The following HSF4 variants were observed in gnomAD, a reference collection of about 807,000 sequenced individuals.
The protein encoded by HSF4 is heat shock transcription factor 4.
A neutral mutation model predicts 52.0 loss-of-function variants in HSF4; 41 were observed. That is an observed-to-expected ratio of 0.79 (90% confidence interval 0.61 to 1.02). The LOEUF (loss-of-function observed/expected upper bound fraction) is 1.02, where lower values mean the gene tolerates loss of function less well. Among genes scored for constraint, HSF4 ranks in the 50% least tolerant of loss-of-function variants. HSF4 has a pLI of 0.00. For missense variants in HSF4, 610 were observed against 651.1 expected (o/e 0.94, Z 0.69); for synonymous variants, 285 against 273.0 (o/e 1.04, Z -0.43).
chr16:67,166,485 CT>C, intron 5 of HSF4, 72 bp from the exon 6 acceptor site: 1 of 1,599,694 alleles, frequency 6.3e-7, no homozygotes, highest in Non-Finnish European at 8.6e-7. Flanking sequence ...TTAAGCCTTC[CT>C]CCCTCACCTG....
rs1031811315 is a variant in HSF4 at position 67,166,126 on chromosome 16, A to G, written c.485+56A>G. The stretch of plus-strand genomic sequence containing the variant: ...GGGGTGGGGGGTTCGGGATGAGACC[A>G]TAACTGGCCGGCCAGCAGTTCTGGG... On this transcript the variant is annotated intron_variant, in intron 4 of 12. Transcript: ENST00000521374. 1.5e-5 allele frequency: 23 copies of G among 1,502,260 alleles called. No homozygotes were observed. In the Admixed American group the frequency reaches 4.3e-4, roughly 28 times the overall value. 93.1% of individuals were successfully genotyped at this position (1,502,260 alleles called of 1,614,324 possible). A position where few individuals can be genotyped will look rare whatever the true frequency, so the allele number is the denominator to read the frequency against.
rs776129797 is a variant in HSF4 at position 67,167,823 on chromosome 16, GC to G, written c.965del (p.Pro322ArgfsTer74). 3.2e-6 allele frequency: 5 copies of G among 1,586,984 alleles called. No homozygotes were observed. The highest frequency in any genetic ancestry group is 2.6e-6 in the Non-Finnish European group (3 of 1,167,696). ...AAACGAGTGTGACTTCTGCGTGACA[GC>G]CCCCCCGCCACTGCCTGTGGCTGTG... ...APNECDFCVT[A>X]PPPLPVAVVQ... On this transcript the variant is annotated frameshift_variant, in exon 9 of 13. Coordinates refer to ENST00000521374, the MANE Select transcript of HSF4 (RefSeq NM_001374675.1). LOFTEE classifies it high-confidence loss of function.
intron 4 of HSF4, 27 bp downstream of exon 4, chr16:67,166,097 G>C: frequency 9.7e-6 from 6 of 616,390 alleles, no homozygotes; most frequent in South Asian, 1.5e-5. Flanking sequence ...GGAAAGAGGG[G>C]ACAGGGGTGG....
At chr16:67,167,625 GGGGCCTGTGGGGGA>G (rs1427821606) in intron 8 of HSF4, 26 bp downstream of exon 8, 20 of 1,612,562 alleles carry the variant, frequency 1.2e-5, no homozygotes, top group Non-Finnish European at 1.7e-5. Context: ...CTGCCCCTGA[GGGGCCTGTGGGGGA>G]GGGCCTGGCA....
In HSF4 at chr16:67,169,534, A is replaced by C; in HGVS notation, c.1325-97A>C. On this transcript the variant is annotated intron_variant, in intron 12 of 12. Transcript: ENST00000521374. This position sits in a 1 kb window ranked among gnomAD's most constrained non-coding sequence, Gnocchi z 4.3. ...TGGGGAGGTTAAGAATGGATGTTTTATCCTAACTGAGCAGAAGGCAGGCGG... is the reference window on the plus strand; with the variant it reads ...TGGGGAGGTTAAGAATGGATGTTTTCTCCTAACTGAGCAGAAGGCAGGCGG... 6.3e-7 allele frequency: 1 copy of C among 1,597,534 alleles called. No homozygotes were observed. Among genetic ancestry groups the C allele is most frequent in the Non-Finnish European group, 8.5e-7 (1 of 1,178,814 alleles).
In HSF4 at chr16:67,164,796, G is replaced by C. The variant is rs1040661298; in HGVS notation, c.-16G>C. ...AGCGGCCGGGCCCGAGCGCAGAGCCGGGCCGAGACTGCACCATGCAGGAAG... is the reference window on the plus strand; with the variant it reads ...AGCGGCCGGGCCCGAGCGCAGAGCCCGGCCGAGACTGCACCATGCAGGAAG... On this transcript the variant is annotated 5_prime_UTR_variant, in exon 1 of 13. Transcript: ENST00000521374. 1.3e-6 allele frequency: 2 copies of C among 1,586,538 alleles called. No homozygotes were observed. Among genetic ancestry groups the C allele is most frequent in the Non-Finnish European group, 1.7e-6 (2 of 1,173,762 alleles).
upstream of HSF4, chr16:67,164,640 G>A: frequency 1.6e-6 from 1 of 624,768 alleles, no homozygotes; most frequent in Non-Finnish European, 2.6e-6. Flanking sequence ...TCTGCCTGCT[G>A]GTGCCTCGGC....
At position 67,164,837 on chromosome 16, in the gene HSF4, C is replaced by G. The variant is rs2031123631; in HGVS notation, c.26C>G (p.Pro9Arg). 6 of 1,603,484 alleles carry G rather than the reference C, an allele frequency of 3.7e-6. No individual in the cohort carries two copies. The highest frequency in any genetic ancestry group is 5.1e-6 in the Non-Finnish European group (6 of 1,178,624). ...ATGCAGGAAGCGCCAGCTGCGCTGC[C>G]CACGGAGCCAGGCCCCAGCCCCGTG... MQEAPAAL[P>R]TEPGPSPVPA... The change falls in exon 1 of 13, where the codon CCC becomes CGC. Residue 9 changes from proline to arginine, a missense_variant. By Grantham distance (103) the Pro-to-Arg change is moderately radical. Transcript: ENST00000521374.
At position 67,169,811 on chromosome 16, in the gene HSF4, G is replaced by T. The variant is rs1336220302; in HGVS notation, c.*26G>T. 1 of 1,612,798 alleles carries T rather than the reference G, an allele frequency of 6.2e-7. No homozygotes were observed. Among genetic ancestry groups the T allele is most frequent in the Admixed American group, 1.7e-5 (1 of 60,030 alleles). The stretch of plus-strand genomic sequence containing the variant: ...GACCCCGCGCCTCTGAAGGGGCTTG[G>T]AACCAGTCCGCCGCTGCACATCCTT... On this transcript the variant is annotated 3_prime_UTR_variant, in exon 13 of 13. Coordinates refer to ENST00000521374, the MANE Select transcript of HSF4 (RefSeq NM_001374675.1). The surrounding 1 kb of genome is among the most constrained non-coding windows in gnomAD (Gnocchi z 4.3).
intron 6 of HSF4, 41 bp downstream of exon 6, chr16:67,166,663 A>AC (rs758084052): frequency 1.3e-6 from 2 of 1,583,770 alleles, no homozygotes; most frequent in African/African-American, 1.3e-5. Context: ...CACTTCCAAG[A>AC]CCCCCCAGAA....
Position 67,165,954 on chromosome 16 carries a change from G to C in HSF4, c.369G>C (p.Ala123=). Residue 123 remains alanine (A), a synonymous_variant, in exon 4 of 13, where the codon GCG becomes GCC. Transcript: ENST00000521374. This position sits in a 1 kb window ranked among gnomAD's most constrained non-coding sequence, Gnocchi z 6.9. ...GTGCCTCCCGCCTGCAGGTGCCCGC[G>C]CTGCGCGGCGACGACGGCCGCTGGC... ...LLERVRRKVP[A]LRGDDGRWRP... is the part of the protein sequence containing the mutation. The C allele has an allele frequency of 6.4e-7, 1 of 1,571,102 alleles. No homozygotes were observed. The highest frequency in any genetic ancestry group is 1.1e-5 in the South Asian group (1 of 88,012).
chr16:67,166,767 G>A, intron 6 of HSF4, 145 bp downstream of exon 6: 1 of 793,724 alleles, frequency 1.3e-6, no homozygotes, highest in Non-Finnish European at 2.1e-6. Flanking sequence ...CCCCATCTAG[G>A]ATCCACTTCC....
At chr16:67,164,636 T>G (rs2031103958), upstream of HSF4, 7 of 426,756 alleles carry the variant, frequency 1.6e-5, 1 homozygote, top group Non-Finnish European at 2.8e-5. Flanking sequence ...CTTTTCTGCC[T>G]GCTGGTGCCT....
chr16:67,165,073 G>A lies in HSF4; in HGVS notation c.123+139G>A. 1 of 964,634 alleles carries A rather than the reference G, an allele frequency of 1.0e-6. No homozygotes were observed. Among genetic ancestry groups the A allele is most frequent in the South Asian group, 1.7e-5 (1 of 58,116 alleles). 59.8% of individuals were successfully genotyped at this position (964,634 alleles called of 1,614,324 possible). ...GCCATTCAGAGAAGTTCACCTTGGA[G>A]GGGGTGTGCGAGAGGGGGGTTTCCT... On this transcript the variant is annotated intron_variant, in intron 1 of 12. Coordinates refer to ENST00000521374, the MANE Select transcript of HSF4 (RefSeq NM_001374675.1). The surrounding 1 kb of genome is among the most constrained non-coding windows in gnomAD (Gnocchi z 6.9).
chr16:67,169,053 C>T lies in HSF4; in HGVS notation c.1206C>T (p.Leu402=). The change falls in exon 11 of 13, where the codon CTC becomes CTT. Residue 402 remains leucine (L), a synonymous_variant. Transcript: ENST00000521374. This position sits in a 1 kb window ranked among gnomAD's most constrained non-coding sequence, Gnocchi z 4.3. ...AGPLDVLGPS[L]QGREWTLMDL... ...CTCCTCAGGTGCTGGGCCCCAGTCT[C>T]CAAGGGCGAGAATGGACCCTGATGG... is the stretch of plus-strand genomic sequence containing the variant. The T allele has an allele frequency of 6.2e-7, 1 of 1,613,852 alleles. No individual in the cohort carries two copies.
Position 67,164,765 on chromosome 16 carries a change from G to T in HSF4, c.-47G>T. 2 of 1,558,520 alleles carry T rather than the reference G, an allele frequency of 1.3e-6. No homozygotes were observed. Among genetic ancestry groups the T allele is most frequent in the Admixed American group, 1.8e-5 (1 of 55,354 alleles). ...GCAGCACTTTCCGCGGCTTTGACGA[G>T]CCCGCAGCGGCCGGGCCCGAGCGCA... On this transcript the variant is annotated 5_prime_UTR_variant, in exon 1 of 13. Coordinates refer to ENST00000521374, the MANE Select transcript of HSF4 (RefSeq NM_001374675.1).
chr16:67,167,044 G>T, intron 6 of HSF4, 76 bp from the exon 7 acceptor site: 1 of 1,604,162 alleles, frequency 6.2e-7, no homozygotes. Context: ...GCCTGAGGGA[G>T]GGAGGGAAGT....
rs552547561 is a variant in HSF4, at chr16:67,166,497, G to A, written c.562-61G>A. On this transcript the variant is annotated intron_variant, in intron 5 of 12. Transcript: ENST00000521374. ...CTGTTAAGCCTTCCTCCCTCACCTGGAAGTGCGGGGGTGGGGGGGCTGTGT... is the reference window on the plus strand; with the variant it reads ...CTGTTAAGCCTTCCTCCCTCACCTGAAAGTGCGGGGGTGGGGGGGCTGTGT... 2.4e-3 allele frequency: 3,817 copies of A among 1,600,624 alleles called. 11 individuals carry two copies. Among genetic ancestry groups the A allele is most frequent in the Middle Eastern group, 0.012 (71 of 6,042 alleles).
chr16:67,165,424 A>C lies in HSF4; in HGVS notation c.124-98A>C. Reference sequence around the variant, plus strand: ...AGGCCTGGACCCAAGAGTGAGCATGAGTGTGTGCGCGCGCTGGAGCGCAGG... The same window carrying C: ...AGGCCTGGACCCAAGAGTGAGCATGCGTGTGTGCGCGCGCTGGAGCGCAGG... On this transcript the variant is annotated intron_variant, in intron 1 of 12. Coordinates refer to ENST00000521374, the MANE Select transcript of HSF4 (RefSeq NM_001374675.1). The surrounding 1 kb of genome is among the most constrained non-coding windows in gnomAD (Gnocchi z 6.9). 2 of 1,087,460 alleles carry C rather than the reference A, an allele frequency of 1.8e-6. No homozygotes were observed. Among genetic ancestry groups the C allele is most frequent in the Non-Finnish European group, 2.8e-6 (2 of 706,756 alleles). 67.4% of individuals were successfully genotyped at this position (1,087,460 alleles called of 1,614,324 possible).
Sources: allele counts gnomAD v4.1 joint callset, GRCh38; gene constraint gnomAD v4.1.1; non-coding constraint Gnocchi (gnomAD v3.1); transcripts MANE v1.5; gene names NCBI Gene and HGNC (gene_info 2026-07-23, HGNC 2026-07-21).